Variants in ZNF536 observed in about 807,000 individuals in gnomAD.
ZNF536 encodes the protein zinc finger protein 536.
A neutral mutation model predicts 84.5 loss-of-function variants in ZNF536; 13 were observed. The ratio of observed to expected loss-of-function variants is 0.15; its 90% CI spans 0.10 to 0.24. The LOEUF is 0.24. ZNF536 is among the 10% of genes least tolerant of loss of function. The pLI, the probability that ZNF536 is intolerant of heterozygous loss-of-function variation, is 1.00. For synonymous variants in ZNF536, 811 were observed against 742.5 expected (o/e 1.09, Z -1.50); for missense variants, 1,536 against 1,747.5 (o/e 0.88, Z 2.16).
At chr19:30,627,312 T>A (rs946191251) in intron 1 of ZNF536, among the ~76,000 whole-genome samples, 2 of 150,176 alleles carry the variant, frequency 1.3e-5, no homozygotes, top group African/African-American at 4.9e-5. Flanking sequence ...CAAAAAAAAA[T>A]AAGAAAATAG....
intron 1 of ZNF536, among the ~76,000 whole-genome samples, chr19:30,431,543 C>G (rs996779104): frequency 1.3e-5 from 2 of 152,242 alleles, no homozygotes; most frequent in Non-Finnish European, 2.9e-5. Flanking sequence ...CAAAATCAAG[C>G]CCCCTTTGAT....
At chr19:30,243,305 A>T (rs964254072) in intron 1 of ZNF536, among the ~76,000 whole-genome samples, 1 of 152,192 alleles carries the variant, frequency 6.6e-6, no homozygotes, top group African/African-American at 2.4e-5. Flanking sequence ...TATAAACATG[A>T]ATATAATTAT....
chr19:30,551,126 A>G (rs2045066769), intron 4 of ZNF536, among the ~76,000 whole-genome samples: 1 of 142,908 alleles, frequency 7.0e-6, no homozygotes, highest in Non-Finnish European at 1.5e-5. Context: ...ATTGTTGTTT[A>G]GAGTCTTTTT....
chr19:30,240,242 G>A (rs1568518111), intron 1 of ZNF536, among the ~76,000 whole-genome samples: 2 of 152,142 alleles, frequency 1.3e-5, no homozygotes, highest in South Asian at 2.1e-4. Flanking sequence ...GCATGGTGGC[G>A]GGTGCCTGTA....
At chr19:30,424,344 T>C (rs1419556270) in intron 1 of ZNF536, among the ~76,000 whole-genome samples, 1 of 152,098 alleles carries the variant, frequency 6.6e-6, no homozygotes, top group Non-Finnish European at 1.5e-5. Flanking sequence ...AGGCCAGGAA[T>C]CCCTCTCTCC....
intron 1 of ZNF536, among the ~76,000 whole-genome samples, chr19:30,594,914 C>G (rs2047404565): frequency 6.6e-6 from 1 of 152,084 alleles, no homozygotes; most frequent in Non-Finnish European, 1.5e-5. Context: ...CCCCAGCTGC[C>G]CCGAAGGCCA....
intron 2 of ZNF536, among the ~76,000 whole-genome samples, chr19:30,491,448 C>T (rs934911929): frequency 6.6e-6 from 1 of 152,066 alleles, no homozygotes; most frequent in African/African-American, 2.4e-5. Context: ...GTTATCAGGT[C>T]GATACATGTA....
chr19:30,612,342 A>G (rs2048131962), intron 1 of ZNF536, among the ~76,000 whole-genome samples: 1 of 152,064 alleles, frequency 6.6e-6, no homozygotes, highest in Non-Finnish European at 1.5e-5. Context: ...GCTCTCAAGC[A>G]CTCTTGGGAC....
At chr19:30,318,030 C>G (rs181611325) in intron 2 of ZNF536, among the ~76,000 whole-genome samples, 9 of 152,330 alleles carry the variant, frequency 5.9e-5, no homozygotes, top group African/African-American at 2.2e-4. Context: ...GAGTTGGTGT[C>G]TAGCCGTCTC....
chr19:30,399,279 A>G (rs543426899), intron 1 of ZNF536, among the ~76,000 whole-genome samples: 2 of 150,678 alleles, frequency 1.3e-5, no homozygotes, highest in Non-Finnish European at 3.0e-5. Context: ...TTTTTCTTGT[A>G]ATTTTGTTTA....
intron 4 of ZNF536, among the ~76,000 whole-genome samples, chr19:30,553,394 C>T (rs1390367382): frequency 6.6e-6 from 1 of 152,214 alleles, no homozygotes; most frequent in Admixed American, 6.5e-5. Flanking sequence ...TGTGTTTCAT[C>T]TGGGAGTTTG....
intron 1 of ZNF536, among the ~76,000 whole-genome samples, chr19:30,417,803 A>G (rs1159659203): frequency 1.3e-5 from 2 of 152,184 alleles, no homozygotes. Flanking sequence ...TCTATTGCCC[A>G]GGTTGGATTG....
At chr19:30,292,674 A>G (rs1600102871) in intron 2 of ZNF536, among the ~76,000 whole-genome samples, 3 of 139,190 alleles carry the variant, frequency 2.2e-5, no homozygotes, top group Middle Eastern at 3.5e-3. Context: ...CCTAGTTGAG[A>G]AAAAAAAAAT....
intron 1 of ZNF536, among the ~76,000 whole-genome samples, chr19:30,608,497 C>G (rs80332550): frequency 0.033 from 4,948 of 152,184 alleles, 288 homozygotes; most frequent in African/African-American, 0.11. Flanking sequence ...CTGGACTGGC[C>G]AGGGCTAATC....
chr19:30,506,233 G>T (rs186349261), intron 2 of ZNF536, among the ~76,000 whole-genome samples: 1 of 152,222 alleles, frequency 6.6e-6, no homozygotes, highest in Admixed American at 6.5e-5. Flanking sequence ...AAGCTCTGGA[G>T]GGCATTGCCC....
Position 30,445,866 on chromosome 19 carries a change from T to G in ZNF536, c.2170+134T>G. 8.1e-7 allele frequency: 1 copy of G among 1,240,144 alleles called. No individual in the cohort carries two copies. Among genetic ancestry groups the G allele is most frequent in the Non-Finnish European group, 1.1e-6 (1 of 927,382 alleles). The allele number at this position is 1,240,144 out of a possible 1,614,324, so 76.8% of individuals were successfully genotyped here. ...TTGAGGACAGGGGTGGGTTGGACAC[T>G]GGGCCATGCCTTTCTTTCCCCCCCT... On this transcript the variant is annotated intron_variant, in intron 2 of 4. Coordinates refer to ENST00000355537, the MANE Select transcript of ZNF536 (RefSeq NM_014717.3). The surrounding 1 kb of genome is among the most constrained non-coding windows in gnomAD (Gnocchi z 4.5).
intron 1 of ZNF536, among the ~76,000 whole-genome samples, chr19:30,695,449 T>G (rs913151870): frequency 6.6e-6 from 1 of 152,190 alleles, no homozygotes; most frequent in African/African-American, 2.4e-5. Context: ...TGCCTAATTG[T>G]GTGGTGCCAC....
intron 1 of ZNF536, among the ~76,000 whole-genome samples, chr19:30,621,245 A>G (rs2048470279): frequency 6.6e-6 from 1 of 151,982 alleles, no homozygotes; most frequent in Non-Finnish European, 1.5e-5. Flanking sequence ...GTTAGGTATT[A>G]TTAGACTTTT....
At chr19:30,679,642 TGCAGGACAACCCA>T (rs1014395399) in intron 1 of ZNF536, among the ~76,000 whole-genome samples, 13 of 152,178 alleles carry the variant, frequency 8.5e-5, no homozygotes, top group African/African-American at 3.1e-4. Context: ...CTACTGTGGC[TGCAGGACAACCCA>T]GCAGGAAGGT....
Sources: gnomAD v4.1 joint callset for allele counts (sites outside exome capture counted in the v4.1 genomes callset) on GRCh38, gnomAD v4.1.1 for gene constraint, Gnocchi (gnomAD v3.1) non-coding constraint, MANE v1.5 for transcripts, NCBI Gene and HGNC (gene_info 2026-07-23, HGNC 2026-07-21) for gene names.